The following ARSJ variants were observed in gnomAD, a reference collection of about 807,000 sequenced individuals.
The protein encoded by ARSJ is arylsulfatase family member J.
A neutral mutation model predicts 35.9 loss-of-function variants in ARSJ; 26 were observed. That is an observed-to-expected ratio of 0.72 (90% CI 0.53 to 1.00). ARSJ has a LOEUF of 1.00. Among genes scored for constraint, ARSJ ranks in the 50% least tolerant of loss-of-function variants. ARSJ has a pLI of 0.00. For missense variants in ARSJ, 667 were observed against 723.6 expected, an observed-to-expected ratio of 0.92 and a Z score of 0.90; for synonymous variants, 294 against 267.6, an observed-to-expected ratio of 1.10 and a Z score of -0.96.
chr4:113,954,986 G>T (rs1173928583), intron 1 of ARSJ, among the ~76,000 whole-genome samples: 1 of 148,656 alleles, frequency 6.7e-6, no homozygotes, highest in Non-Finnish European at 1.5e-5. Context: ...TCAATTTATT[G>T]ACTTTTCTTT....
chr4:113,975,030 C>T (rs1376459991), intron 1 of ARSJ, among the ~76,000 whole-genome samples: 2 of 152,034 alleles, frequency 1.3e-5, no homozygotes, highest in Non-Finnish European at 2.9e-5. Context: ...ATTTTACAAA[C>T]ATAATGCTAA....
At chr4:113,949,654 G>A (rs1725731309) in intron 1 of ARSJ, among the ~76,000 whole-genome samples, 1 of 152,078 alleles carries the variant, frequency 6.6e-6, no homozygotes, top group Non-Finnish European at 1.5e-5. Context: ...CTAGCTGAGT[G>A]TTATTGCGGA....
At chr4:113,964,479 A>G (rs563678178) in intron 1 of ARSJ, among the ~76,000 whole-genome samples, 1 of 152,244 alleles carries the variant, frequency 6.6e-6, no homozygotes, top group African/African-American at 2.4e-5. Context: ...TTATTTTATG[A>G]GAGAACAGAC....
At chr4:113,920,916 A>C (rs1443650054) in intron 1 of ARSJ, among the ~76,000 whole-genome samples, 1 of 152,148 alleles carries the variant, frequency 6.6e-6, no homozygotes, top group African/African-American at 2.4e-5. Flanking sequence ...CAAGCATTAG[A>C]ATACATTAAA....
At chr4:113,929,365 G>A (rs1476464427) in intron 1 of ARSJ, among the ~76,000 whole-genome samples, 1 of 152,052 alleles carries the variant, frequency 6.6e-6, no homozygotes, top group Admixed American at 6.6e-5. Flanking sequence ...GGCCATCACT[G>A]TTGCCTCAGG....
At chr4:113,907,630 A>T (rs556093770) in intron 1 of ARSJ, among the ~76,000 whole-genome samples, 241 of 152,294 alleles carry the variant, frequency 1.6e-3, no homozygotes, top group Middle Eastern at 3.4e-3. Context: ...AAAGAAAAAC[A>T]ACTCAGAAAA....
At chr4:113,917,241 C>T (rs1239062404) in intron 1 of ARSJ, among the ~76,000 whole-genome samples, 2 of 152,058 alleles carry the variant, frequency 1.3e-5, no homozygotes, top group East Asian at 3.9e-4. Context: ...CTTTCCTGTA[C>T]CAATGAGAGG....
intron 1 of ARSJ, among the ~76,000 whole-genome samples, chr4:113,917,080 C>T (rs1461999941): frequency 6.6e-6 from 1 of 152,086 alleles, no homozygotes; most frequent in Admixed American, 6.6e-5. Context: ...TATACAAATA[C>T]TGTATCTATT....
At chr4:113,926,984 T>C (rs1403894039) in intron 1 of ARSJ, among the ~76,000 whole-genome samples, 1 of 152,160 alleles carries the variant, frequency 6.6e-6, no homozygotes, top group African/African-American at 2.4e-5. Flanking sequence ...TTGAATCTGC[T>C]GGGTCATATT....
intron 1 of ARSJ, among the ~76,000 whole-genome samples, chr4:113,952,941 C>G (rs1330277545): frequency 6.6e-6 from 1 of 152,012 alleles, no homozygotes. Context: ...AATCTGCAGT[C>G]CAAGCTAAGA....
rs1362085092 is a variant in ARSJ at position 113,902,652 on chromosome 4, G to T, written c.1422C>A (p.Asn474Lys). 1.2e-6 allele frequency: 2 copies of T among 1,614,040 alleles called. No homozygotes were observed. The highest frequency in any genetic ancestry group is 4.5e-5 in the East Asian group (2 of 44,894). ...CATTGTGCCACCGGTTCGGTCCCAGGTTGCTGAAAGACTGAGGGGGGACCC... is the reference window on the plus strand; with the variant it reads ...CATTGTGCCACCGGTTCGGTCCCAGTTTGCTGAAAGACTGAGGGGGGACCC... Reference protein sequence around the residue: ...SDWVPPQSFSNLGPNRWHNER... With the variant: ...SDWVPPQSFSKLGPNRWHNER... The change falls in exon 2 of 2, where the codon AAC (asparagine) becomes AAA (lysine). Residue 474 changes from asparagine (N) to lysine (K), a missense_variant. Coordinates refer to ENST00000315366, the MANE Select transcript of ARSJ (RefSeq NM_024590.4).
chr4:113,943,132 G>A (rs1034428541), intron 1 of ARSJ: 5 of 151,962 alleles, frequency 3.3e-5, no homozygotes, highest in Non-Finnish European at 5.9e-5. Flanking sequence ...TAATTAAGAG[G>A]AGCCAGCTTG....
intron 1 of ARSJ, among the ~76,000 whole-genome samples, chr4:113,935,902 A>G (rs984779453): frequency 2.6e-5 from 4 of 151,952 alleles, no homozygotes; most frequent in East Asian, 1.9e-4. Flanking sequence ...ATATATAGGC[A>G]CTTGAATGTG....
In ARSJ at chr4:113,978,584, T is replaced by A; in HGVS notation, c.251A>T (p.Asp84Val). 1 of 1,614,200 alleles carries A rather than the reference T, an allele frequency of 6.2e-7. No homozygotes were observed. The highest frequency in any genetic ancestry group is 2.2e-5 in the East Asian group (1 of 44,876). Residue 84 changes from aspartate (D) to valine (V), a missense_variant, in exon 1 of 2, where the codon GAT becomes GTT. Transcript: ENST00000315366. ...SQPHLIFILA[D>V]DQGFRDVGYH... ...ACCCACATCTCTAAATCCCTGATCA[T>A]CCGCTAGGATGAAAATGAGATGGGG...
intron 1 of ARSJ, among the ~76,000 whole-genome samples, chr4:113,966,991 A>C (rs933226067): frequency 5.3e-5 from 8 of 152,172 alleles, no homozygotes; most frequent in Admixed American, 3.3e-4. Context: ...GGAAGGGGAC[A>C]ATGACCTAGT....
chr4:113,974,641 G>C (rs903727021), intron 1 of ARSJ, among the ~76,000 whole-genome samples: 1 of 152,126 alleles, frequency 6.6e-6, no homozygotes, highest in Non-Finnish European at 1.5e-5. Context: ...ATAATGACCA[G>C]AGTGGCTAAA....
At chr4:113,964,997 G>C (rs1023441708) in intron 1 of ARSJ, among the ~76,000 whole-genome samples, 1 of 152,104 alleles carries the variant, frequency 6.6e-6, no homozygotes, top group Non-Finnish European at 1.5e-5. Context: ...ACAAAAGATT[G>C]TATAGGAACT....
intron 1 of ARSJ, among the ~76,000 whole-genome samples, chr4:113,952,113 C>A (rs1725899176): frequency 6.6e-6 from 1 of 152,008 alleles, no homozygotes; most frequent in Non-Finnish European, 1.5e-5. Context: ...AGCTGGAGTG[C>A]AGTGACCATT....
At chr4:113,912,174 G>C (rs1388442683) in intron 1 of ARSJ, among the ~76,000 whole-genome samples, 2 of 152,198 alleles carry the variant, frequency 1.3e-5, no homozygotes, top group South Asian at 2.1e-4. Flanking sequence ...AGACAAAATG[G>C]AGAAGGCCAT....
Sources: gnomAD v4.1 joint callset for allele counts (sites outside exome capture counted in the v4.1 genomes callset) on GRCh38, gnomAD v4.1.1 for gene constraint, MANE v1.5 for transcripts, NCBI Gene and HGNC (gene_info 2026-07-23, HGNC 2026-07-21) for gene names.